The following MYH14 variants were observed in gnomAD, a reference collection of about 807,000 sequenced individuals.
The protein encoded by MYH14 is myosin heavy chain 14.
Under a neutral mutation model 255.5 loss-of-function variants are expected in MYH14, and 123 were observed. The observed-to-expected ratio is 0.48, with a 90% CI of 0.42 to 0.56. The LOEUF is 0.56. Among genes scored for constraint, MYH14 ranks in the 20% least tolerant of loss-of-function variants. The probability of loss-of-function intolerance (pLI) is 0.00; values close to 1 mark genes in which losing one functional copy is unlikely to be tolerated. For synonymous variants in MYH14, 1,095 were observed against 1,161.2 expected, an observed-to-expected ratio of 0.94 and a Z score of 1.16; for missense variants, 2,423 against 2,802.3, an observed-to-expected ratio of 0.86 and a Z score of 3.06.
chr19:50,269,356 A>T (rs1343264627), intron 24 of MYH14, among the ~76,000 whole-genome samples: 1 of 151,728 alleles, frequency 6.6e-6, no homozygotes, highest in African/African-American at 2.4e-5. Context: ...ATGTTTTTTT[A>T]TTTTTAGTAG....
intron 40 of MYH14, among the ~76,000 whole-genome samples, chr19:50,303,575 A>G (rs1030690630): frequency 2.6e-5 from 4 of 152,218 alleles, no homozygotes; most frequent in Non-Finnish European, 2.9e-5. Context: ...CTGCAAAGTC[A>G]TATTGCCAAG....
At chr19:50,258,895 G>C (rs1206157264) in intron 18 of MYH14, among the ~76,000 whole-genome samples, 1 of 151,938 alleles carries the variant, frequency 6.6e-6, no homozygotes, top group African/African-American at 2.4e-5. Flanking sequence ...TTAGCACTTA[G>C]TATTTCTTCT....
In MYH14 at chr19:50,276,715, C is replaced by T. The variant is rs554621355; in HGVS notation, c.3681-42C>T. The T allele has an allele frequency of 1.9e-6, 3 of 1,612,580 alleles. No individual in the cohort carries two copies. The East Asian group carries it at 6.7e-5, about 36-fold the overall frequency. On this transcript the variant is annotated intron_variant, in intron 28 of 42. Coordinates refer to ENST00000642316, the MANE Select transcript of MYH14 (RefSeq NM_001145809.2). The surrounding 1 kb of genome is among the most constrained non-coding windows in gnomAD (Gnocchi z 4.3). ...GCTCCCCCAAAGCCCCTGCCTTCCTCTGCTCTGAAATTCCCATCCTCTCTC... is the reference window on the plus strand; with the variant it reads ...GCTCCCCCAAAGCCCCTGCCTTCCTTTGCTCTGAAATTCCCATCCTCTCTC...
intron 33 of MYH14, chr19:50,285,875 T>C (rs1467712286): frequency 6.6e-6 from 1 of 152,300 alleles, no homozygotes; most frequent in Non-Finnish European, 1.5e-5. Flanking sequence ...TCCAGTCTGC[T>C]ACTAATTTCA....
chr19:50,245,465 A>G, intron 11 of MYH14, among the ~76,000 whole-genome samples: 1 of 147,228 alleles, frequency 6.8e-6, no homozygotes, highest in Non-Finnish European at 1.5e-5. Context: ...AGAAGAAAGA[A>G]AGAAAAAGAA....
rs73582381 is a variant in MYH14, at chr19:50,230,486, C to T, written c.875-39C>T. 9.4e-5 allele frequency: 144 copies of T among 1,529,462 alleles called. No homozygotes were observed. In the African/African-American group the frequency reaches 1.8e-3, roughly 19 times the overall value. The allele number at this position is 1,529,462 out of a possible 1,614,324, so 94.7% of individuals were successfully genotyped here. Reference sequence around the variant, plus strand: ...TGTAGTGGCCTGGCAGCGTCGGGGCCGTCCCTTCCCCTCTAGCACCTTGAC... The same window carrying T: ...TGTAGTGGCCTGGCAGCGTCGGGGCTGTCCCTTCCCCTCTAGCACCTTGAC... On this transcript the variant is annotated intron_variant, in intron 8 of 42. Transcript: ENST00000642316. The surrounding 1 kb of genome is among the most constrained non-coding windows in gnomAD (Gnocchi z 4.7).
intron 9 of MYH14, among the ~76,000 whole-genome samples, 198 bp from the exon 10 acceptor site, chr19:50,231,732 A>AT (rs1555757675): frequency 2.2e-5 from 1 of 46,194 alleles, no homozygotes; most frequent in Non-Finnish European, 4.3e-5. Context: ...AAAAAAAAAA[A>AT]ATAGAGACAG....
intron 22 of MYH14, among the ~76,000 whole-genome samples, chr19:50,264,968 T>C (rs531751661): frequency 2.6e-5 from 4 of 152,314 alleles, no homozygotes; most frequent in African/African-American, 9.6e-5. Flanking sequence ...CTGAATACGA[T>C]GTCTGAGAGA....
chr19:50,272,027 G>A, intron 26 of MYH14, 55 bp downstream of exon 26: 2 of 1,581,006 alleles, frequency 1.3e-6, no homozygotes, highest in Non-Finnish European at 1.7e-6. Context: ...GGGGACCTCA[G>A]GCAAGCCCCA....
intron 39 of MYH14, among the ~76,000 whole-genome samples, chr19:50,298,892 G>A (rs2036378136): frequency 6.6e-6 from 1 of 152,112 alleles, no homozygotes; most frequent in African/African-American, 2.4e-5. Context: ...GACCAGCCAG[G>A]ACAACAAAGT....
intron 11 of MYH14, 141 bp from the exon 12 acceptor site, chr19:50,246,863 G>C (rs2034149157): frequency 1.6e-6 from 1 of 613,022 alleles, no homozygotes; most frequent in Non-Finnish European, 2.9e-6. Context: ...ACACACTTTT[G>C]GGACTCGTAA....
rs1460016169 is a variant in MYH14 at position 50,250,963 on chromosome 19, G to A, written c.1830+275G>A. 6.6e-6 allele frequency among the ~76,000 whole-genome samples: 1 copy of A among 152,226 alleles called. No homozygotes were observed. Among genetic ancestry groups the A allele is most frequent in the African/African-American group, 2.4e-5 (1 of 41,446 alleles). On this transcript the variant is annotated intron_variant, in intron 15 of 42. Transcript: ENST00000642316. This position sits in a 1 kb window ranked among gnomAD's most constrained non-coding sequence, Gnocchi z 5.4. ...GTGCATTTTATCCACTTATTCAGCAGATATGTGCGGGGTGCCATTTGTGTG... is the reference window on the plus strand; with the variant it reads ...GTGCATTTTATCCACTTATTCAGCAAATATGTGCGGGGTGCCATTTGTGTG...
At chr19:50,232,094 G>A in intron 10 of MYH14, 24 bp downstream of exon 10, 1 of 1,607,528 alleles carries the variant, frequency 6.2e-7, no homozygotes, top group Non-Finnish European at 8.5e-7. Flanking sequence ...GTGGAGGCCA[G>A]GGGTAGGGGG....
intron 10 of MYH14, among the ~76,000 whole-genome samples, chr19:50,241,515 A>G (rs2033890749): frequency 6.6e-6 from 1 of 152,142 alleles, no homozygotes; most frequent in African/African-American, 2.4e-5. Flanking sequence ...AACACCACAC[A>G]CAGCTCTGCT....
chr19:50,276,742 T>C lies in MYH14; in HGVS notation c.3681-15T>C, dbSNP rs777445994. The C allele has an allele frequency of 9.9e-6, 16 of 1,613,204 alleles. No individual in the cohort carries two copies. The highest frequency in any genetic ancestry group is 1.3e-5 in the Non-Finnish European group (15 of 1,179,816). ...GCTCTGAAATTCCCATCCTCTCTCC[T>C]TTCCCCCAATAAAGGTCCAAGAGGG... On this transcript the variant is annotated splice_polypyrimidine_tract_variant and intron_variant, in intron 28 of 42. Coordinates refer to ENST00000642316, the MANE Select transcript of MYH14 (RefSeq NM_001145809.2). This position sits in a 1 kb window ranked among gnomAD's most constrained non-coding sequence, Gnocchi z 4.3.
intron 12 of MYH14, among the ~76,000 whole-genome samples, chr19:50,248,583 TGTTA>T (rs1243209717): frequency 6.6e-6 from 1 of 152,136 alleles, no homozygotes; most frequent in Non-Finnish European, 1.5e-5. Flanking sequence ...GGGGTACTGT[TGTTA>T]GTTCCCATTT....
At chr19:50,204,180 G>T (rs946088795) in intron 1 of MYH14, among the ~76,000 whole-genome samples, 3 of 152,154 alleles carry the variant, frequency 2.0e-5, no homozygotes, top group Non-Finnish European at 2.9e-5. Context: ...TTATCGTGTT[G>T]ACTCGAGGTG....
At chr19:50,267,287 A>T (rs1195306220) in intron 23 of MYH14, among the ~76,000 whole-genome samples, 2 of 149,228 alleles carry the variant, frequency 1.3e-5, no homozygotes, top group Non-Finnish European at 3.0e-5. Flanking sequence ...CAGAGCCAGA[A>T]TGGAGCTGGG....
At chr19:50,225,386 G>A (rs768096904) in intron 6 of MYH14, among the ~76,000 whole-genome samples, 199 bp from the exon 7 acceptor site, 2 of 152,182 alleles carry the variant, frequency 1.3e-5, no homozygotes, top group Non-Finnish European at 2.9e-5. Flanking sequence ...TTAACAACAT[G>A]TCTTGGAGAT....
Sources: gnomAD v4.1 joint callset for allele counts (sites outside exome capture counted in the v4.1 genomes callset) on GRCh38, gnomAD v4.1.1 for gene constraint, Gnocchi (gnomAD v3.1) non-coding constraint, MANE v1.5 for transcripts, NCBI Gene and HGNC (gene_info 2026-07-23, HGNC 2026-07-21) for gene names.